Variants in PRELP observed in about 807,000 individuals in gnomAD.
PRELP encodes proline and arginine rich end leucine rich repeat protein, also known as prolargin.
Under a neutral mutation model 22.8 loss-of-function variants are expected in PRELP, and 16 were observed. The observed-to-expected ratio is 0.70, with a 90% confidence interval of 0.47 to 1.06. The LOEUF (loss-of-function observed/expected upper bound fraction) is 1.06, where lower values mean the gene tolerates loss of function less well. PRELP is among the 50% of genes least tolerant of loss of function. PRELP has a pLI of 0.00. For synonymous variants in PRELP, 233 were observed against 211.4 expected (o/e 1.10, Z -0.89); for missense variants, 434 against 485.2 (o/e 0.89, Z 0.99).
chr1:203,481,076 C>G (rs1022817204), intron 1 of PRELP, among the ~76,000 whole-genome samples: 5 of 152,066 alleles, frequency 3.3e-5, no homozygotes, highest in South Asian at 2.1e-4. Flanking sequence ...AAGCCCTGGG[C>G]AAATTGGTGC....
intron 2 of PRELP, among the ~76,000 whole-genome samples, chr1:203,485,943 C>G (rs570844461): frequency 2.0e-5 from 3 of 152,294 alleles, no homozygotes; most frequent in Admixed American, 6.5e-5. Flanking sequence ...CTCCCCAGAT[C>G]CTCTTTCCTC....
At position 203,487,842 on chromosome 1, in the gene PRELP, A is replaced by C. The variant is rs1661124183; in HGVS notation, c.*961A>C. ...CACCCTCGGGAGGCGGCTCCTGAGA[A>C]ACAGGGAGGAAGGGGCGGAGCACCT... On this transcript the variant is annotated 3_prime_UTR_variant, in exon 3 of 3. Transcript: ENST00000343110. 6.6e-6 allele frequency: 1 copy of C among 152,220 alleles called. No homozygotes were observed. The allele number at this position is 152,220 out of a possible 1,614,324, so 9.4% of individuals were successfully genotyped here.
At chr1:203,481,452 T>G (rs1660998743) in intron 1 of PRELP, among the ~76,000 whole-genome samples, 1 of 152,250 alleles carries the variant, frequency 6.6e-6, no homozygotes, top group Non-Finnish European at 1.5e-5. Flanking sequence ...TTGCAATTAA[T>G]GCCTTCTCTT....
At chr1:203,478,435 C>T (rs1336724821) in intron 1 of PRELP, among the ~76,000 whole-genome samples, 2 of 152,194 alleles carry the variant, frequency 1.3e-5, no homozygotes, top group Non-Finnish European at 2.9e-5. Flanking sequence ...TGGCCTGAGG[C>T]CAGAAAATCT....
chr1:203,484,431 G>A (rs926248894), intron 2 of PRELP, among the ~76,000 whole-genome samples: 1 of 152,346 alleles, frequency 6.6e-6, no homozygotes, highest in Non-Finnish European at 1.5e-5. Context: ...TGGAGAAAGT[G>A]CCCAGAATAC....
At position 203,483,973 on chromosome 1, in the gene PRELP, G is replaced by C. The variant is rs1661054262; in HGVS notation, c.789G>C (p.Lys263Asn). Residue 263 changes from lysine (K) to asparagine (N), a missense_variant, in exon 2 of 3, where the codon AAG (lysine) becomes AAC (asparagine). Lys to Asn is a moderately conservative substitution (Grantham distance 94, BLOSUM62 0). Transcript: ENST00000343110. This position sits in a 1 kb window ranked among gnomAD's most constrained non-coding sequence, Gnocchi z 4.4. ...AGACCATCCCTAACGGATACTTCAAGAGCTTTCCCAATCTTGCCTTCATTC... is the reference window on the plus strand; with the variant it reads ...AGACCATCCCTAACGGATACTTCAACAGCTTTCCCAATCTTGCCTTCATTC... Reference protein sequence around the residue: ...KIETIPNGYFKSFPNLAFIRL... With the variant: ...KIETIPNGYFNSFPNLAFIRL... The C allele has an allele frequency of 1.2e-6, 2 of 1,614,110 alleles. No homozygotes were observed. The highest frequency in any genetic ancestry group is 1.3e-5 in the African/African-American group (1 of 74,918).
rs1192470344 is a variant in PRELP, at chr1:203,483,488, C to A, written c.304C>A (p.Pro102Thr). The change falls in exon 2 of 3, where the codon CCC becomes ACC. Residue 102 changes from proline (P) to threonine (T), a missense_variant. Physicochemically the swap from Pro to Thr is conservative, Grantham distance 38. Transcript: ENST00000343110. The surrounding 1 kb of genome is among the most constrained non-coding windows in gnomAD (Gnocchi z 4.4). ...RNLRKVPVIP[P>T]RIHYLYLQNN... ...CCTGCGAAAGGTCCCTGTCATCCCGCCCCGCATCCATTACCTCTATCTCCA... is the reference window on the plus strand; with the variant it reads ...CCTGCGAAAGGTCCCTGTCATCCCGACCCGCATCCATTACCTCTATCTCCA... The A allele has an allele frequency of 6.2e-7, 1 of 1,614,118 alleles. No homozygotes were observed. The highest frequency in any genetic ancestry group is 1.3e-5 in the African/African-American group (1 of 74,944).
chr1:203,482,926 G>A lies in PRELP; in HGVS notation c.-16-243G>A, dbSNP rs146894155. ...TGTGCTTTCTACCAGCATGTCCCCC[G>A]CCCTCTTCAGAGCAGGCTCAACACA... On this transcript the variant is annotated intron_variant, in intron 1 of 2. Coordinates refer to ENST00000343110, the MANE Select transcript of PRELP (RefSeq NM_002725.4). Among the ~76,000 whole-genome samples, 37 of 152,070 alleles carry A rather than the reference G, an allele frequency of 2.4e-4. No homozygotes were observed. In the East Asian group the frequency reaches 5.2e-3, roughly 21 times the overall value.
chr1:203,484,153 C>A lies in PRELP; in HGVS notation c.969C>A (p.Ile323=), dbSNP rs746338241. The A allele has an allele frequency of 7.3e-7, 1 of 1,371,288 alleles. No homozygotes were observed. The highest frequency in any genetic ancestry group is 1.5e-5 in the African/African-American group (1 of 68,928). 84.9% of individuals were successfully genotyped at this position (1,371,288 alleles called of 1,614,324 possible). ...LEHLYLNNNS[I]EKINGTQICP... is the part of the protein sequence containing the mutation. ...ACCTGTACCTCAACAACAATAGCAT[C>A]GAGAGTGAGTGGGGTGGGCCGGGGC... Residue 323 remains isoleucine, a synonymous_variant, in exon 2 of 3, where the codon ATC becomes ATA. Transcript: ENST00000343110.
At chr1:203,481,396 T>C (rs1455787438) in intron 1 of PRELP, among the ~76,000 whole-genome samples, 5 of 152,226 alleles carry the variant, frequency 3.3e-5, no homozygotes, top group African/African-American at 1.2e-4. Flanking sequence ...AGTTCACCAA[T>C]TACAAGTGAA....
At chr1:203,481,343 C>G (rs80342187) in intron 1 of PRELP, among the ~76,000 whole-genome samples, 2,312 of 152,240 alleles carry the variant, frequency 0.015, 52 homozygotes, top group African/African-American at 0.053. Flanking sequence ...GATGACTGTT[C>G]TGTTTTCCAG....
At chr1:203,477,978 G>A (rs1280044935) in intron 1 of PRELP, among the ~76,000 whole-genome samples, 1 of 152,210 alleles carries the variant, frequency 6.6e-6, no homozygotes, top group East Asian at 1.9e-4. Flanking sequence ...GTGTGGAAGA[G>A]CTGGTACCCC....
At position 203,483,293 on chromosome 1, in the gene PRELP, A is replaced by G. The variant is rs1661037429; in HGVS notation, c.109A>G (p.Arg37Gly). ...CGGGACTGGGCCCGGGCGCAGACCCAGGCCCAGGCCCAGGCCCACACCCAG... is the reference window on the plus strand; with the variant it reads ...CGGGACTGGGCCCGGGCGCAGACCCGGGCCCAGGCCCAGGCCCACACCCAG... ...RPGTGPGRRP[R>G]PRPRPTPSFP... Residue 37 changes from arginine (R) to glycine (G), a missense_variant, in exon 2 of 3, where the codon AGG (arginine) becomes GGG (glycine). Transcript: ENST00000343110. The surrounding 1 kb of genome is among the most constrained non-coding windows in gnomAD (Gnocchi z 4.4). 2 of 1,613,344 alleles carry G rather than the reference A, an allele frequency of 1.2e-6. No individual in the cohort carries two copies. Among genetic ancestry groups the G allele is most frequent in the Non-Finnish European group, 1.7e-6 (2 of 1,179,584 alleles).
rs1439325239 is a variant in PRELP at position 203,489,418 on chromosome 1, T to G, written c.*2537T>G. ...AGAATGGGCTGGTTTCTTTCAAGTT[T>G]AAAAAAAGCCCCCTTCTCCATGCAC... On this transcript the variant is annotated 3_prime_UTR_variant, in exon 3 of 3. Transcript: ENST00000343110. 1 of 152,120 alleles carries G rather than the reference T, an allele frequency of 6.6e-6. No homozygotes were observed. The highest frequency in any genetic ancestry group is 1.5e-5 in the Non-Finnish European group (1 of 68,012). 9.4% of individuals were successfully genotyped at this position (152,120 alleles called of 1,614,324 possible).
In PRELP at chr1:203,484,175, G is replaced by A. The variant is rs1661057902; in HGVS notation, c.973+18G>A. ...CATCGAGAGTGAGTGGGGTGGGCCG[G>A]GGCGGGGCCGAAGGCAAGGAGGTTG... is the stretch of plus-strand genomic sequence containing the variant. On this transcript the variant is annotated intron_variant, in intron 2 of 2. Transcript: ENST00000343110. 6.3e-7 allele frequency: 1 copy of A among 1,598,042 alleles called. No individual in the cohort carries two copies. The highest frequency in any genetic ancestry group is 8.5e-7 in the Non-Finnish European group (1 of 1,170,036).
At chr1:203,486,570 A>G (rs980093021) in intron 2 of PRELP, 136 bp from the exon 3 acceptor site, 3 of 771,954 alleles carry the variant, frequency 3.9e-6, no homozygotes, top group Admixed American at 2.9e-5. Flanking sequence ...CTCATCTATG[A>G]TCACACATTC....
In PRELP at chr1:203,490,114, C is replaced by T. The variant is rs1408193560; in HGVS notation, c.*3233C>T. On this transcript the variant is annotated 3_prime_UTR_variant, in exon 3 of 3. Coordinates refer to ENST00000343110, the MANE Select transcript of PRELP (RefSeq NM_002725.4). Reference sequence around the variant, plus strand: ...AATTCCTACGAAAGCTATCCAAAAGCCTTTTCTTTCCTCTTTTCTTATTAT... The same window carrying T: ...AATTCCTACGAAAGCTATCCAAAAGTCTTTTCTTTCCTCTTTTCTTATTAT... 2.0e-5 allele frequency: 3 copies of T among 151,658 alleles called. No individual in the cohort carries two copies. Among genetic ancestry groups the T allele is most frequent in the Non-Finnish European group, 4.4e-5 (3 of 67,974 alleles). The allele number at this position is 151,658 out of a possible 1,614,324, so 9.4% of individuals were successfully genotyped here.
rs938665043 is a variant in PRELP at position 203,480,080 on chromosome 1, T to C, written c.-16-3089T>C. On this transcript the variant is annotated intron_variant, in intron 1 of 2. Coordinates refer to ENST00000343110, the MANE Select transcript of PRELP (RefSeq NM_002725.4). ...TACAGTGAGACCCCCATCTCATTTT[T>C]GTTTAAAGTGAAAAAAGAAAAAAAA... 3.9e-5 allele frequency among the ~76,000 whole-genome samples: 6 copies of C among 152,174 alleles called. No individual in the cohort carries two copies. In the South Asian group the frequency reaches 1.2e-3, roughly 32 times the overall value.
chr1:203,482,145 T>A (rs1661011505), intron 1 of PRELP, among the ~76,000 whole-genome samples: 1 of 152,156 alleles, frequency 6.6e-6, no homozygotes, highest in Admixed American at 6.5e-5. Flanking sequence ...GGTTCATACA[T>A]CCTAACATCC....
Sources: allele counts gnomAD v4.1 joint callset (sites outside exome capture counted in the v4.1 genomes callset), GRCh38; gene constraint gnomAD v4.1.1; non-coding constraint Gnocchi (gnomAD v3.1); transcripts MANE v1.5; gene names NCBI Gene and HGNC (gene_info 2026-07-23, HGNC 2026-07-21).